The following RASGRF2 variants were observed in gnomAD, a reference collection of about 807,000 sequenced individuals.
RASGRF2 encodes the protein Ras protein specific guanine nucleotide releasing factor 2, also known as ras-specific guanine nucleotide-releasing factor 2.
Under a neutral mutation model 151.0 loss-of-function variants are expected in RASGRF2, and 76 were observed. The observed-to-expected ratio is 0.50, with a 90% CI of 0.42 to 0.61. The LOEUF (loss-of-function observed/expected upper bound fraction) is 0.61, where lower values mean the gene tolerates loss of function less well. Ranked by LOEUF, RASGRF2 falls within the 20% of genes least tolerant of loss-of-function variation. The pLI is 0.00. For missense variants in RASGRF2, 1,148 were observed against 1,564.6 expected (o/e 0.73, Z 4.49); for synonymous variants, 504 against 566.5 (o/e 0.89, Z 1.57).
intron 7 of RASGRF2, among the ~76,000 whole-genome samples, chr5:81,083,017 C>A (rs1347764738): frequency 6.6e-6 from 1 of 152,174 alleles, no homozygotes; most frequent in African/African-American, 2.4e-5. Flanking sequence ...TAGAAATAAC[C>A]CTAGAAAACA....
chr5:81,194,846 C>T (rs1020560032), intron 18 of RASGRF2, among the ~76,000 whole-genome samples: 4 of 152,234 alleles, frequency 2.6e-5, no homozygotes, highest in Non-Finnish European at 5.9e-5. Flanking sequence ...GCTCCGCCTC[C>T]ACTGCAGAGC....
chr5:81,138,535 A>C (rs141782771), intron 17 of RASGRF2, among the ~76,000 whole-genome samples: 5 of 152,072 alleles, frequency 3.3e-5, no homozygotes, highest in African/African-American at 1.2e-4. Context: ...CCATGAAGAG[A>C]TCTTTCTCCG....
At chr5:80,993,950 G>A (rs1748736933) in intron 1 of RASGRF2, among the ~76,000 whole-genome samples, 1 of 152,086 alleles carries the variant, frequency 6.6e-6, no homozygotes. Flanking sequence ...GGAGGGGCAA[G>A]TGGAAGACCC....
intron 17 of RASGRF2, among the ~76,000 whole-genome samples, chr5:81,179,263 A>G (rs952144963): frequency 5.9e-5 from 9 of 152,240 alleles, no homozygotes; most frequent in Admixed American, 4.6e-4. Context: ...TTGTAATCGT[A>G]GCTAACATTT....
At chr5:81,022,620 C>T (rs947719450) in intron 1 of RASGRF2, among the ~76,000 whole-genome samples, 1 of 152,104 alleles carries the variant, frequency 6.6e-6, no homozygotes, top group Non-Finnish European at 1.5e-5. Flanking sequence ...CACGTGTGTC[C>T]CTGCCTCCCT....
In RASGRF2 at chr5:81,086,728, T is replaced by C. The variant is rs940755312; in HGVS notation, c.1272-107T>C. 4 of 887,574 alleles carry C rather than the reference T, an allele frequency of 4.5e-6. No individual in the cohort carries two copies. The African/African-American group carries it at 6.7e-5, about 15-fold the overall frequency. 55.0% of individuals were successfully genotyped at this position (887,574 alleles called of 1,614,324 possible). A position where few individuals can be genotyped will look rare whatever the true frequency, so the allele number is the denominator to read the frequency against. ...TATTTCCCCCAAACCCCCGGTTCAA[T>C]CGATACAAGCTTGCAACCGAGCTTC... On this transcript the variant is annotated intron_variant, in intron 8 of 26. Coordinates refer to ENST00000265080, the MANE Select transcript of RASGRF2 (RefSeq NM_006909.3).
chr5:81,025,862 T>TC (rs1750002732), intron 1 of RASGRF2, among the ~76,000 whole-genome samples: 1 of 152,010 alleles, frequency 6.6e-6, no homozygotes, highest in South Asian at 2.1e-4. Flanking sequence ...GGTGATATTT[T>TC]CCCCCCACCA....
intron 21 of RASGRF2, among the ~76,000 whole-genome samples, chr5:81,207,815 C>T (rs758768707): frequency 6.6e-6 from 1 of 152,158 alleles, no homozygotes; most frequent in Non-Finnish European, 1.5e-5. Context: ...GCTTTTCAGC[C>T]CTGACCACCT....
In RASGRF2 at chr5:80,960,388, C is replaced by T. The variant is rs1276917492; in HGVS notation, c.-351C>T. 6.6e-6 allele frequency among the ~76,000 whole-genome samples: 1 copy of T among 151,072 alleles called. No homozygotes were observed. Among genetic ancestry groups the T allele is most frequent in the African/African-American group, 2.4e-5 (1 of 41,334 alleles). ...AGTCCTTCCCCGGCTGCCGCCCCAG[C>T]CCGCCGCGGGGGCTCGGCTCCCGCA... On this transcript the variant is annotated 5_prime_UTR_variant, in exon 1 of 27. Transcript: ENST00000265080. This position sits in a 1 kb window ranked among gnomAD's most constrained non-coding sequence, Gnocchi z 5.5.
At chr5:81,109,199 A>G (rs1398668629) in intron 13 of RASGRF2, 121 bp downstream of exon 13, 128 of 1,421,728 alleles carry the variant, frequency 9.0e-5, no homozygotes, top group Non-Finnish European at 1.1e-4. Flanking sequence ...ATGTTTCTTG[A>G]CAGGAATGCA....
intron 26 of RASGRF2, 130 bp from the exon 27 acceptor site, chr5:81,225,542 CATATTT>C: frequency 1.2e-6 from 1 of 839,472 alleles, no homozygotes; most frequent in Admixed American, 4.4e-5. Flanking sequence ...ACAATGGAAA[CATATTT>C]ATGATTTTTT....
At chr5:81,119,049 C>T (rs1753234607) in intron 15 of RASGRF2, among the ~76,000 whole-genome samples, 1 of 152,188 alleles carries the variant, frequency 6.6e-6, no homozygotes, top group South Asian at 2.1e-4. Flanking sequence ...AAGCTCTTCT[C>T]TTCTTCTGAG....
chr5:81,219,634 AG>A (rs1176211996), intron 25 of RASGRF2, 75 bp from the exon 26 acceptor site: 1 of 1,271,588 alleles, frequency 7.9e-7, no homozygotes, highest in Non-Finnish European at 1.1e-6. Flanking sequence ...AGGCCTCAGA[AG>A]AATGTGCTGC....
At chr5:81,136,592 A>T (rs1442384345) in intron 17 of RASGRF2, among the ~76,000 whole-genome samples, 1 of 152,054 alleles carries the variant, frequency 6.6e-6, no homozygotes, top group East Asian at 1.9e-4. Context: ...ATATGCCTAG[A>T]TGTGATTGTC....
Position 81,073,190 on chromosome 5 carries a change from GT to G in RASGRF2, c.634-7del. The stretch of plus-strand genomic sequence containing the variant: ...TAGTCAGATTCCTTTCTGATTTTTT[GT>G]TCTGTAGGTTCAGAGCTTCATGCGA... On this transcript the variant is annotated splice_region_variant and splice_polypyrimidine_tract_variant and intron_variant, in intron 4 of 26. Transcript: ENST00000265080. 2 of 1,602,164 alleles carry G rather than the reference GT, an allele frequency of 1.2e-6. No homozygotes were observed. The highest frequency in any genetic ancestry group is 1.7e-6 in the Non-Finnish European group (2 of 1,172,982).
intron 17 of RASGRF2, among the ~76,000 whole-genome samples, chr5:81,148,745 G>A (rs1754062627): frequency 6.6e-6 from 1 of 151,836 alleles, no homozygotes; most frequent in African/African-American, 2.4e-5. Flanking sequence ...AATGGGTGCA[G>A]CACACTAGCA....
At chr5:81,123,608 C>A in intron 15 of RASGRF2, 34 bp from the exon 16 acceptor site, 1 of 1,599,220 alleles carries the variant, frequency 6.3e-7, no homozygotes, top group Non-Finnish European at 8.5e-7. Flanking sequence ...GAATTCATGG[C>A]CTGGTTGTTA....
At chr5:81,219,050 A>C (rs1387763856) in intron 25 of RASGRF2, among the ~76,000 whole-genome samples, 1 of 151,684 alleles carries the variant, frequency 6.6e-6, no homozygotes, top group Non-Finnish European at 1.5e-5. Context: ...CACTTGCTGA[A>C]GGCTTCTTGC....
At chr5:81,028,720 C>T (rs1750126722) in intron 1 of RASGRF2, among the ~76,000 whole-genome samples, 2 of 152,350 alleles carry the variant, frequency 1.3e-5, no homozygotes, top group Admixed American at 6.5e-5. Context: ...CTGCAGTCTA[C>T]AGCTCCCAGG....
Sources: gnomAD v4.1 joint callset for allele counts (sites outside exome capture counted in the v4.1 genomes callset) on GRCh38, gnomAD v4.1.1 for gene constraint, Gnocchi (gnomAD v3.1) non-coding constraint, MANE v1.5 for transcripts, NCBI Gene and HGNC (gene_info 2026-07-23, HGNC 2026-07-21) for gene names.